QDPR: variants seen among roughly 807,000 people sequenced by gnomAD.
The protein encoded by QDPR is dihydropteridine reductase.
QDPR carries 23 observed loss-of-function variants against 31.7 expected under a neutral mutation model. The observed-to-expected ratio is 0.73, with a 90% confidence interval of 0.52 to 1.03. QDPR has a LOEUF of 1.03. Ranked by LOEUF, QDPR falls within the 50% of genes least tolerant of loss-of-function variation. The pLI, the probability that QDPR is intolerant of heterozygous loss-of-function variation, is 0.00. For missense variants in QDPR, 324 were observed against 323.8 expected, an observed-to-expected ratio of 1.00 and a Z score of 0.00; for synonymous variants, 124 against 124.7, an observed-to-expected ratio of 0.99 and a Z score of 0.03.
intron 3 of QDPR, among the ~76,000 whole-genome samples, chr4:17,503,569 T>C (rs2108993918): frequency 6.6e-6 from 1 of 152,298 alleles, no homozygotes; most frequent in South Asian, 2.1e-4. Flanking sequence ...ATGTTAACAG[T>C]TACTGAATCT....
chr4:17,497,708 C>T (rs919338949), intron 4 of QDPR, among the ~76,000 whole-genome samples: 28 of 152,078 alleles, frequency 1.8e-4, no homozygotes, highest in African/African-American at 6.3e-4. Flanking sequence ...TTACAGATAC[C>T]TCTGGTGATG....
chr4:17,498,620 A>G (rs1718447020), intron 4 of QDPR, among the ~76,000 whole-genome samples: 2 of 152,222 alleles, frequency 1.3e-5, no homozygotes, highest in South Asian at 4.1e-4. Context: ...TTTCACTAAG[A>G]AGGTCAACAC....
At chr4:17,487,641 C>A (rs897549635) in intron 6 of QDPR, among the ~76,000 whole-genome samples, 1 of 150,720 alleles carries the variant, frequency 6.6e-6, no homozygotes, top group African/African-American at 2.4e-5. Flanking sequence ...CTCCGTCTCA[C>A]AAAAAATAAT....
At chr4:17,487,332 G>T in intron 6 of QDPR, 96 bp from the exon 7 acceptor site, 1 of 868,562 alleles carries the variant, frequency 1.2e-6, no homozygotes, top group Non-Finnish European at 1.9e-6. Context: ...TGGGGGGAAG[G>T]GGTGGCACAG....
intron 4 of QDPR, among the ~76,000 whole-genome samples, chr4:17,494,497 A>G (rs1275773221): frequency 1.3e-5 from 2 of 152,118 alleles, no homozygotes; most frequent in Non-Finnish European, 2.9e-5. Flanking sequence ...TCCACATGCA[A>G]TGACACACCC....
chr4:17,496,345 T>C (rs992139694), intron 4 of QDPR, among the ~76,000 whole-genome samples: 2 of 145,386 alleles, frequency 1.4e-5, no homozygotes, highest in African/African-American at 5.1e-5. Context: ...CTCCAGAGGC[T>C]GAGGCAGCAG....
At chr4:17,497,946 G>A (rs564609419) in intron 4 of QDPR, among the ~76,000 whole-genome samples, 1 of 152,308 alleles carries the variant, frequency 6.6e-6, no homozygotes, top group South Asian at 2.1e-4. Context: ...AGCAAGGGAT[G>A]TCTTTTATTA....
intron 2 of QDPR, among the ~76,000 whole-genome samples, chr4:17,505,243 C>CTTTTTTTTTTT: frequency 9.7e-6 from 1 of 103,298 alleles, no homozygotes; most frequent in Non-Finnish European, 2.0e-5. Flanking sequence ...CTTAAGATTT[C>CTTTTTTTTTTT]TTTTTTTTTT....
chr4:17,498,962 T>C (rs1199928911), intron 4 of QDPR, among the ~76,000 whole-genome samples: 7 of 152,182 alleles, frequency 4.6e-5, no homozygotes, highest in Non-Finnish European at 8.8e-5. Flanking sequence ...ATTAATAGCT[T>C]AACAAAATCT....
At chr4:17,503,175 A>T (rs561626804) in intron 3 of QDPR, among the ~76,000 whole-genome samples, 3 of 152,392 alleles carry the variant, frequency 2.0e-5, no homozygotes, top group African/African-American at 7.2e-5. Context: ...AATGTGAGAC[A>T]TGCTATATGA....
intron 2 of QDPR, among the ~76,000 whole-genome samples, chr4:17,505,950 T>C (rs1718772716): frequency 6.6e-6 from 1 of 152,138 alleles, no homozygotes; most frequent in South Asian, 2.1e-4. Context: ...TGCACTCTAC[T>C]GCCAAGCCTT....
intron 1 of QDPR, among the ~76,000 whole-genome samples, chr4:17,511,298 T>G (rs1718997313): frequency 6.6e-6 from 1 of 152,166 alleles, no homozygotes; most frequent in South Asian, 2.1e-4. Context: ...CACCTGACTA[T>G]GCAAAGTAGT....
intron 5 of QDPR, among the ~76,000 whole-genome samples, chr4:17,491,644 GA>G (rs1239343354): frequency 1.3e-5 from 2 of 151,836 alleles, no homozygotes; most frequent in Non-Finnish European, 1.5e-5. Flanking sequence ...AATGAAGGGA[GA>G]AAAGAAAGGG....
intron 5 of QDPR, 62 bp from the exon 6 acceptor site, chr4:17,490,807 TC>T: frequency 7.2e-7 from 1 of 1,392,916 alleles, no homozygotes; most frequent in Non-Finnish European, 1.0e-6. Flanking sequence ...AGGTGCCCAG[TC>T]CCCCTTGGCC....
chr4:17,494,171 T>C (rs1025392571), intron 4 of QDPR, among the ~76,000 whole-genome samples: 1 of 152,078 alleles, frequency 6.6e-6, no homozygotes, highest in Non-Finnish European at 1.5e-5. Context: ...CTAAGGATAA[T>C]ACAACAATCA....
intron 5 of QDPR, among the ~76,000 whole-genome samples, chr4:17,491,100 A>G (rs559972729): frequency 5.3e-4 from 81 of 152,340 alleles, no homozygotes; most frequent in African/African-American, 1.9e-3. Context: ...AACATGCAGC[A>G]CACTCATTTC....
chr4:17,493,516 A>T (rs1314369406), intron 4 of QDPR, among the ~76,000 whole-genome samples: 1 of 152,184 alleles, frequency 6.6e-6, no homozygotes, highest in African/African-American at 2.4e-5. Flanking sequence ...GGGTTTGCAC[A>T]ACCCCCTCTT....
intron 2 of QDPR, among the ~76,000 whole-genome samples, chr4:17,508,697 A>C (rs1278197750): frequency 1.6e-5 from 2 of 122,592 alleles, no homozygotes; most frequent in Non-Finnish European, 3.3e-5. Flanking sequence ...AACTTGTAAA[A>C]GGAGTAACAT....
rs3733573 is a variant in QDPR at position 17,501,938 on chromosome 4, T to C, written c.296-79A>G. On this transcript the variant is annotated intron_variant, in intron 3 of 6. Coordinates refer to ENST00000281243, the MANE Select transcript of QDPR (RefSeq NM_000320.3). The stretch of plus-strand genomic sequence containing the variant: ...GAGCTCAACTCATGCAGCCCCACAC[T>C]CAGGGAGGCCCTCCCTCCTGGTCCC... 0.26 allele frequency: 415,416 copies of C among 1,586,722 alleles called. 56,858 individuals are homozygous for C. The highest frequency in any genetic ancestry group is 0.28 in the Non-Finnish European group (330,380 of 1,162,252).
Sources: gnomAD v4.1 joint callset for allele counts (sites outside exome capture counted in the v4.1 genomes callset) on GRCh38, gnomAD v4.1.1 for gene constraint, MANE v1.5 for transcripts, NCBI Gene and HGNC (gene_info 2026-07-23, HGNC 2026-07-21) for gene names.